The following TDO2 variants were observed in gnomAD, a reference collection of about 807,000 sequenced individuals.
TDO2 encodes the protein tryptophan 2,3-dioxygenase.
TDO2 carries 63 observed loss-of-function variants against 61.2 expected under a neutral mutation model. That is an observed-to-expected ratio of 1.03 (90% CI 0.84 to 1.27). The LOEUF (loss-of-function observed/expected upper bound fraction) is 1.27, where lower values mean the gene tolerates loss of function less well. TDO2 is among the 50% of genes most tolerant of loss of function. The pLI, the probability that TDO2 is intolerant of heterozygous loss-of-function variation, is 0.00. For missense variants in TDO2, 494 were observed against 469.5 expected (o/e 1.05, Z -0.48); for synonymous variants, 183 against 164.0 (o/e 1.12, Z -0.89).
intron 5 of TDO2, among the ~76,000 whole-genome samples, chr4:155,909,616 G>T (rs1012321967): frequency 7.9e-5 from 12 of 152,066 alleles, no homozygotes; most frequent in African/African-American, 2.9e-4. Flanking sequence ...CATTCACAAA[G>T]ATATAATATG....
intron 3 of TDO2, chr4:155,905,771 T>C (rs926443777): frequency 1.3e-5 from 2 of 152,208 alleles, no homozygotes; most frequent in African/African-American, 4.8e-5. Flanking sequence ...ACCACTATAC[T>C]GACCTCTTAA....
chr4:155,904,338 G>A (rs1742680124), intron 2 of TDO2, among the ~76,000 whole-genome samples: 2 of 152,204 alleles, frequency 1.3e-5, no homozygotes, highest in South Asian at 4.1e-4. Flanking sequence ...TCCAGTGGAA[G>A]TAAGAGCAGA....
At chr4:155,919,625 T>G (rs540632225) in intron 11 of TDO2, among the ~76,000 whole-genome samples, 2 of 152,134 alleles carry the variant, frequency 1.3e-5, no homozygotes, top group African/African-American at 2.4e-5. Flanking sequence ...TACTGTTTTA[T>G]GGGCATAAAC....
intron 2 of TDO2, 57 bp from the exon 3 acceptor site, chr4:155,905,010 A>C: frequency 8.2e-7 from 1 of 1,220,848 alleles, no homozygotes; most frequent in Admixed American, 2.6e-5. Flanking sequence ...TTCTTACTAA[A>C]GTTCATAAAA....
At chr4:155,917,922 C>A (rs1362230222) in intron 10 of TDO2, among the ~76,000 whole-genome samples, 2 of 152,050 alleles carry the variant, frequency 1.3e-5, no homozygotes, top group African/African-American at 4.8e-5. Context: ...TATCCATGGG[C>A]TAAATGCAGC....
chr4:155,919,513 T>A (rs1294823931), intron 11 of TDO2, among the ~76,000 whole-genome samples: 1 of 152,162 alleles, frequency 6.6e-6, no homozygotes, highest in Admixed American at 6.6e-5. Context: ...TTGCATAGCA[T>A]CCTTCAGAAG....
At chr4:155,907,827 T>C in intron 4 of TDO2, 35 bp downstream of exon 4, 2 of 1,530,344 alleles carry the variant, frequency 1.3e-6, no homozygotes, top group Non-Finnish European at 9.0e-7. Flanking sequence ...GTTTCATGTA[T>C]ATTTTTGGAA....
In TDO2 at chr4:155,919,920, C is replaced by T; in HGVS notation, c.1151C>T (p.Thr384Ile). ...CACTGGATACCGAAGATGAACCCAA[C>T]CATTCACAAATTTCTATATACAGCA... The part of the protein sequence containing the change: ...PRHWIPKMNP[T>I]IHKFLYTAEY... Residue 384 changes from threonine to isoleucine, a missense_variant, in exon 12 of 12, where the codon ACC (threonine) becomes ATC (isoleucine). By Grantham distance (89) the Thr-to-Ile change is moderately conservative. Transcript: ENST00000536354. 1 of 1,613,580 alleles carries T rather than the reference C, an allele frequency of 6.2e-7. No homozygotes were observed. Among genetic ancestry groups the T allele is most frequent in the Non-Finnish European group, 8.5e-7 (1 of 1,179,630 alleles).
At chr4:155,913,128 C>G (rs1256259660) in intron 7 of TDO2, among the ~76,000 whole-genome samples, 1 of 152,130 alleles carries the variant, frequency 6.6e-6, no homozygotes, top group African/African-American at 2.4e-5. Flanking sequence ...TGTGCTCCCC[C>G]ACCTTCCCAG....
chr4:155,906,705 A>C (rs1165603976), intron 3 of TDO2: 1 of 152,202 alleles, frequency 6.6e-6, no homozygotes, highest in Non-Finnish European at 1.5e-5. Flanking sequence ...ATCAACGGGG[A>C]GAACCATTTA....
At chr4:155,903,911 A>G in intron 1 of TDO2, 107 bp from the exon 2 acceptor site, 1 of 1,502,580 alleles carries the variant, frequency 6.7e-7, no homozygotes, top group Non-Finnish European at 9.2e-7. Context: ...TTTGTCTAAC[A>G]ATCTACTCTA....
At position 155,904,040 on chromosome 4, in the gene TDO2, G is replaced by T; in HGVS notation, c.58G>T (p.Val20Leu). 1 of 1,613,798 alleles carries T rather than the reference G, an allele frequency of 6.2e-7. No homozygotes were observed. Among genetic ancestry groups the T allele is most frequent in the Middle Eastern group, 1.7e-4 (1 of 6,058 alleles). The change falls in exon 2 of 12, where the codon GTA (valine) becomes TTA (leucine). Residue 20 changes from valine to leucine, a missense_variant. Transcript: ENST00000536354. Reference protein sequence around the residue: ...NFGYTFKKLPVEGSEEDKSQT... With the variant: ...NFGYTFKKLPLEGSEEDKSQT... ...CAGATATACTTTTAAAAAACTCCCC[G>T]TAGAAGGCAGCGAAGAAGACAAATC... is the stretch of plus-strand genomic sequence containing the variant.
chr4:155,919,834 C>T lies in TDO2; in HGVS notation c.1068-3C>T. Reference sequence around the variant, plus strand: ...TAACACATCTTCATGTATGTTTTTCCAGTGATAGGTACAAGGTATTTGTAG... The same window carrying T: ...TAACACATCTTCATGTATGTTTTTCTAGTGATAGGTACAAGGTATTTGTAG... On this transcript the variant is annotated splice_polypyrimidine_tract_variant and splice_region_variant and intron_variant, in intron 11 of 11. Coordinates refer to ENST00000536354, the MANE Select transcript of TDO2 (RefSeq NM_005651.4). The T allele has an allele frequency of 6.3e-7, 1 of 1,589,322 alleles. No individual in the cohort carries two copies. The highest frequency in any genetic ancestry group is 8.6e-7 in the Non-Finnish European group (1 of 1,168,676).
At chr4:155,915,086 A>T (rs1245406212) in intron 8 of TDO2, among the ~76,000 whole-genome samples, 1 of 152,142 alleles carries the variant, frequency 6.6e-6, no homozygotes, top group Admixed American at 6.6e-5. Flanking sequence ...ATACATTTAG[A>T]CTTTCGGCAC....
chr4:155,910,527 G>A (rs1742811386), intron 6 of TDO2, among the ~76,000 whole-genome samples: 1 of 152,050 alleles, frequency 6.6e-6, no homozygotes, highest in Non-Finnish European at 1.5e-5. Flanking sequence ...TTTTTAGACT[G>A]AGTGTGATTA....
chr4:155,905,181 C>A, intron 3 of TDO2, 24 bp downstream of exon 3: 1 of 1,485,590 alleles, frequency 6.7e-7, no homozygotes, highest in Non-Finnish European at 9.2e-7. Context: ...AGGTTTTGGA[C>A]AATATTCCAC....
rs1214903689 is a variant in TDO2, at chr4:155,908,962, C to A, written c.379C>A (p.Gln127Lys). 1 of 1,613,284 alleles carries A rather than the reference C, an allele frequency of 6.2e-7. No homozygotes were observed. The highest frequency in any genetic ancestry group is 1.7e-5 in the Admixed American group (1 of 59,910). Residue 127 changes from glutamine to lysine, a missense_variant, in exon 5 of 12, where the codon CAG (glutamine) becomes AAG (lysine). Transcript: ENST00000536354. Reference sequence around the variant, plus strand: ...GTCAGTGATCCTGAAACTGCTGGTGCAGCAGTTTTCCATTCTGGAGACGAT... The same window carrying A: ...GTCAGTGATCCTGAAACTGCTGGTGAAGCAGTTTTCCATTCTGGAGACGAT... ...RVSVILKLLV[Q>K]QFSILETMTA...
In TDO2 at chr4:155,914,338, G is replaced by A. The variant is rs1475747620; in HGVS notation, c.742G>A (p.Glu248Lys). 2 of 1,607,026 alleles carry A rather than the reference G, an allele frequency of 1.2e-6. No individual in the cohort carries two copies. The highest frequency in any genetic ancestry group is 1.7e-6 in the Non-Finnish European group (2 of 1,178,146). Residue 248 changes from glutamate (E) to lysine (K), a missense_variant, in exon 8 of 12, where the codon GAA (glutamate) becomes AAA (lysine). By Grantham distance (56) the Glu-to-Lys change is moderately conservative (BLOSUM62 1). Transcript: ENST00000536354. ...TTTCCTAAAGGCTAAAGAAGAGTCTGAAGAAAAAGAGGAACAGGTGGCTGA... is the reference window on the plus strand; with the variant it reads ...TTTCCTAAAGGCTAAAGAAGAGTCTAAAGAAAAAGAGGAACAGGTGGCTGA... The part of the protein sequence containing the change: ...FIRIQAKEES[E>K]EKEEQVAEFQ...
chr4:155,916,038 G>T lies in TDO2; in HGVS notation c.896+126G>T, dbSNP rs547255864. The stretch of plus-strand genomic sequence containing the variant: ...GTAATTTAGTTTTTGTAGAAAACTT[G>T]GAAGATAATTAGTAATGAAGTTTTA... On this transcript the variant is annotated intron_variant, in intron 9 of 11. Transcript: ENST00000536354. 1.2e-4 allele frequency: 90 copies of T among 758,180 alleles called. 1 individual carries two copies. In the South Asian group the frequency reaches 2.2e-3, roughly 19 times the overall value. The allele number at this position is 758,180 out of a possible 1,614,324, so 47.0% of individuals were successfully genotyped here.
Sources: allele counts gnomAD v4.1 joint callset (sites outside exome capture counted in the v4.1 genomes callset), GRCh38; gene constraint gnomAD v4.1.1; transcripts MANE v1.5; gene names NCBI Gene and HGNC (gene_info 2026-07-23, HGNC 2026-07-21).